Variants in ADAMTS2 observed in about 807,000 individuals in gnomAD.
ADAMTS2 encodes the protein A disintegrin and metalloproteinase with thrombospondin motifs 2.
ADAMTS2 carries 50 observed loss-of-function variants against 123.0 expected under a neutral mutation model. The observed-to-expected ratio is 0.41, with a 90% CI of 0.32 to 0.51. The LOEUF is 0.51. Among genes scored for constraint, ADAMTS2 ranks in the 20% least tolerant of loss-of-function variants. The probability of loss-of-function intolerance (pLI) is 0.35; values close to 1 mark genes in which losing one functional copy is unlikely to be tolerated. For synonymous variants in ADAMTS2, 678 were observed against 695.4 expected (o/e 0.98, Z 0.39); for missense variants, 1,494 against 1,705.2 (o/e 0.88, Z 2.18).
In ADAMTS2 at chr5:179,294,972, C is replaced by T. The variant is rs1402951401; in HGVS notation, c.535-21908G>A. Among the ~76,000 whole-genome samples the T allele has an allele frequency of 3.3e-5, 5 of 152,220 alleles. No homozygotes were observed. The East Asian group carries it at 9.6e-4, about 29-fold the overall frequency. ...GAGGCCCTCCTGTCGCTCTCAACTA[C>T]TGCCTCTAGGCGAACGGGCCTGTGG... On this transcript the variant is annotated intron_variant, in intron 2 of 21. Coordinates refer to ENST00000251582, the MANE Select transcript of ADAMTS2 (RefSeq NM_014244.5).
intron 2 of ADAMTS2, among the ~76,000 whole-genome samples, chr5:179,288,804 C>A (rs950991893): frequency 6.6e-6 from 1 of 152,222 alleles, no homozygotes; most frequent in Non-Finnish European, 1.5e-5. Flanking sequence ...CCCCACAGAT[C>A]CTGGTCCTCA....
At chr5:179,209,999 T>C (rs1455035040) in intron 3 of ADAMTS2, among the ~76,000 whole-genome samples, 4 of 152,240 alleles carry the variant, frequency 2.6e-5, no homozygotes, top group African/African-American at 9.6e-5. Context: ...GAGGCACTCG[T>C]TGAGGTCACG....
Position 179,161,515 on chromosome 5 carries a change from A to G in ADAMTS2, c.976-2636T>C, listed in dbSNP as rs184991104. Among the ~76,000 whole-genome samples, 4 of 152,294 alleles carry G rather than the reference A, an allele frequency of 2.6e-5. No homozygotes were observed. In the East Asian group the frequency reaches 7.7e-4, roughly 29 times the overall value. ...AACAGTTGATGTCACAGAAATAGAGAGTAGTTCCTGGAGAGTGGGGGGCAG... is the reference window on the plus strand; with the variant it reads ...AACAGTTGATGTCACAGAAATAGAGGGTAGTTCCTGGAGAGTGGGGGGCAG... On this transcript the variant is annotated intron_variant, in intron 5 of 21. Coordinates refer to ENST00000251582, the MANE Select transcript of ADAMTS2 (RefSeq NM_014244.5).
At chr5:179,160,786 G>C (rs1025111703) in intron 5 of ADAMTS2, among the ~76,000 whole-genome samples, 7 of 152,214 alleles carry the variant, frequency 4.6e-5, no homozygotes, top group African/African-American at 7.2e-5. Flanking sequence ...AGGGCAAGGG[G>C]AGGTGCACTT....
Position 179,253,762 on chromosome 5 carries a change from C to G in ADAMTS2, c.688+19149G>C, listed in dbSNP as rs188481643. 2.1e-4 allele frequency among the ~76,000 whole-genome samples: 32 copies of G among 152,282 alleles called. No individual in the cohort carries two copies. In the East Asian group the frequency reaches 6.0e-3, roughly 28 times the overall value. ...TGCCCCTCCAGCAGTGAGTTCAGAC[C>G]CTTCTCACCCTTTGGCCTCAGGCTC... On this transcript the variant is annotated intron_variant, in intron 3 of 21. Coordinates refer to ENST00000251582, the MANE Select transcript of ADAMTS2 (RefSeq NM_014244.5).
chr5:179,132,179 C>G lies in ADAMTS2; in HGVS notation c.2290+51G>C, dbSNP rs1323137599. ...ACCCCTGGCACTCTGCCCATTGATC[C>G]CAGAGGAGCCAGGTCCTGAGGACGT... is the stretch of plus-strand genomic sequence containing the variant. On this transcript the variant is annotated intron_variant, in intron 15 of 21. Coordinates refer to ENST00000251582, the MANE Select transcript of ADAMTS2 (RefSeq NM_014244.5). This position sits in a 1 kb window ranked among gnomAD's most constrained non-coding sequence, Gnocchi z 6.1. The G allele has an allele frequency of 8.3e-6, 13 of 1,573,600 alleles. No homozygotes were observed. Among genetic ancestry groups the G allele is most frequent in the Non-Finnish European group, 1.1e-5 (13 of 1,145,836 alleles).
In ADAMTS2 at chr5:179,162,532, G is replaced by GC. The variant is rs1581162238; in HGVS notation, c.976-3654dup. Among the ~76,000 whole-genome samples, 1 of 152,200 alleles carries GC rather than the reference G, an allele frequency of 6.6e-6. No homozygotes were observed. Among genetic ancestry groups the GC allele is most frequent in the African/African-American group, 2.4e-5 (1 of 41,452 alleles). On this transcript the variant is annotated intron_variant, in intron 5 of 21. Coordinates refer to ENST00000251582, the MANE Select transcript of ADAMTS2 (RefSeq NM_014244.5). This position sits in a 1 kb window ranked among gnomAD's most constrained non-coding sequence, Gnocchi z 5.1. ...ATTCAGGTGGTCACGGCGGGCCCCA[G>GC]CTGAGCTGTTGCACACCATACCGTA...
chr5:179,271,262 C>T (rs1407802410), intron 3 of ADAMTS2, among the ~76,000 whole-genome samples: 2 of 152,198 alleles, frequency 1.3e-5, no homozygotes, highest in Non-Finnish European at 2.9e-5. Context: ...TTCAGGAAGA[C>T]AAGCACCATA....
intron 5 of ADAMTS2, among the ~76,000 whole-genome samples, chr5:179,160,347 A>G (rs1296958011): frequency 6.6e-6 from 1 of 152,176 alleles, no homozygotes; most frequent in African/African-American, 2.4e-5. Flanking sequence ...GCAACCTGGG[A>G]GGCTGAGGAA....
chr5:179,245,787 A>AAAAAAAAAAAAAC (rs1765784074), intron 3 of ADAMTS2, among the ~76,000 whole-genome samples: 1 of 76,180 alleles, frequency 1.3e-5, no homozygotes, highest in African/African-American at 4.6e-5. Context: ...AAAAAAAAAA[A>AAAAAAAAAAAAAC]AAAAAAAACA....
At position 179,117,478 on chromosome 5, in the gene ADAMTS2, C is replaced by T. The variant is rs115496681; in HGVS notation, c.3179-3154G>A. On this transcript the variant is annotated intron_variant, in intron 21 of 21. Coordinates refer to ENST00000251582, the MANE Select transcript of ADAMTS2 (RefSeq NM_014244.5). The surrounding 1 kb of genome is among the most constrained non-coding windows in gnomAD (Gnocchi z 4.2). ...GCCTGGTACAGTGGTGGGCCATCTACGGCTAGTGTGCCAAGTCCCTCCCTC... is the reference window on the plus strand; with the variant it reads ...GCCTGGTACAGTGGTGGGCCATCTATGGCTAGTGTGCCAAGTCCCTCCCTC... Among the ~76,000 whole-genome samples the T allele has an allele frequency of 0.011, 1,728 of 152,230 alleles. 20 individuals carry two copies. The highest frequency in any genetic ancestry group is 0.031 in the African/African-American group (1,292 of 41,546).
intron 3 of ADAMTS2, among the ~76,000 whole-genome samples, chr5:179,233,960 C>A (rs922431632): frequency 6.6e-6 from 1 of 152,172 alleles, no homozygotes; most frequent in African/African-American, 2.4e-5. Flanking sequence ...GGGATTTGAG[C>A]CGCAGGAGCC....
At chr5:179,299,720 G>A (rs934376945) in intron 2 of ADAMTS2, among the ~76,000 whole-genome samples, 5 of 151,796 alleles carry the variant, frequency 3.3e-5, no homozygotes, top group Admixed American at 1.3e-4. Context: ...CTTGGCTTGT[G>A]GCCCCCTCCT....
chr5:179,302,204 G>A lies in ADAMTS2; in HGVS notation c.535-29140C>T, dbSNP rs566339550. 1.7e-3 allele frequency among the ~76,000 whole-genome samples: 265 copies of A among 152,074 alleles called. 1 individual carries two copies. Among genetic ancestry groups the A allele is most frequent in the African/African-American group, 6.1e-3 (254 of 41,496 alleles). On this transcript the variant is annotated intron_variant, in intron 2 of 21. Transcript: ENST00000251582. Reference sequence around the variant, plus strand: ...TGGCCGGGTGCGGTGGCTCATGCCTGTAATCCCAGCATTTTGGGAGGCTGA... The same window carrying A: ...TGGCCGGGTGCGGTGGCTCATGCCTATAATCCCAGCATTTTGGGAGGCTGA...
chr5:179,336,434 C>T (rs549230001), intron 2 of ADAMTS2, among the ~76,000 whole-genome samples: 18 of 152,334 alleles, frequency 1.2e-4, no homozygotes, highest in South Asian at 6.2e-4. Flanking sequence ...CCGTGACAAG[C>T]GACGGCCAGG....
Position 179,159,025 on chromosome 5 carries a change from C to T in ADAMTS2, c.976-146G>A, listed in dbSNP as rs1295975415. ...AGGCCCTGCCCGGTCACTCTCAGGACCTGCTCCCACTGGGCTCCAGTCTTT... is the reference window on the plus strand; with the variant it reads ...AGGCCCTGCCCGGTCACTCTCAGGATCTGCTCCCACTGGGCTCCAGTCTTT... On this transcript the variant is annotated intron_variant, in intron 5 of 21. Coordinates refer to ENST00000251582, the MANE Select transcript of ADAMTS2 (RefSeq NM_014244.5). 4 of 1,068,386 alleles carry T rather than the reference C, an allele frequency of 3.7e-6. No individual in the cohort carries two copies. In the Admixed American group the frequency reaches 7.6e-5, roughly 20 times the overall value. 66.2% of individuals were successfully genotyped at this position (1,068,386 alleles called of 1,614,324 possible).
At chr5:179,192,944 C>T (rs1764340400) in intron 4 of ADAMTS2, among the ~76,000 whole-genome samples, 3 of 152,212 alleles carry the variant, frequency 2.0e-5, no homozygotes, top group African/African-American at 2.4e-5. Flanking sequence ...GGACCAAGGC[C>T]AAGCTCAGCC....
chr5:179,136,551 G>T (rs1299237349), intron 12 of ADAMTS2, among the ~76,000 whole-genome samples: 1 of 151,894 alleles, frequency 6.6e-6, no homozygotes, highest in Non-Finnish European at 1.5e-5. Context: ...TGTAATCCCA[G>T]ATACTTGGGA....
intron 3 of ADAMTS2, among the ~76,000 whole-genome samples, chr5:179,247,960 C>G (rs1022475777): frequency 3.9e-5 from 6 of 152,110 alleles, no homozygotes; most frequent in African/African-American, 1.4e-4. Context: ...ATAAAGGGAA[C>G]CCCAAAATCT....
Sources: gnomAD v4.1 joint callset for allele counts (sites outside exome capture counted in the v4.1 genomes callset) on GRCh38, gnomAD v4.1.1 for gene constraint, Gnocchi (gnomAD v3.1) non-coding constraint, MANE v1.5 for transcripts, NCBI Gene and HGNC (gene_info 2026-07-23, HGNC 2026-07-21) for gene names.